The following GRHL1 variants were observed in gnomAD, a reference collection of about 807,000 sequenced individuals.
GRHL1 encodes the protein grainyhead like transcription factor 1.
In GRHL1, 38 loss-of-function variants were observed where a neutral mutation model predicts 75.7. That is an observed-to-expected ratio of 0.50 (90% CI 0.39 to 0.66). The LOEUF (loss-of-function observed/expected upper bound fraction) is 0.66, where lower values mean the gene tolerates loss of function less well. Among genes scored for constraint, GRHL1 ranks in the 30% least tolerant of loss-of-function variants. The pLI, the probability that GRHL1 is intolerant of heterozygous loss-of-function variation, is 0.00. For synonymous variants in GRHL1, 266 were observed against 279.4 expected (o/e 0.95, Z 0.48); for missense variants, 589 against 767.5 (o/e 0.77, Z 2.75).
chr2:9,998,454 A>T (rs575479574), intron 14 of GRHL1, among the ~76,000 whole-genome samples: 1,280 of 29,136 alleles, frequency 0.044, 24 homozygotes, highest in African/African-American at 0.12. Context: ...GTGTGTATAT[A>T]TATACATATA....
rs778133561 is a variant in GRHL1, at chr2:9,986,141, C to T, written c.1128C>T (p.Asn376=). 1.9e-6 allele frequency: 3 copies of T among 1,609,838 alleles called. No homozygotes were observed. The highest frequency in any genetic ancestry group is 4.5e-5 in the East Asian group (2 of 44,458). ...CTTGGCAGGTTTTCATCTCTGTGAA[C>T]TGCTTAAGCACAGATTTCTCTTCCC... is the stretch of plus-strand genomic sequence containing the variant. ...NDEAKVFISV[N]CLSTDFSSQK... is the part of the protein sequence containing the mutation. The change falls in exon 9 of 16, where the codon AAC becomes AAT. Residue 376 remains asparagine (N), a synonymous_variant. Transcript: ENST00000324907.
intron 8 of GRHL1, among the ~76,000 whole-genome samples, chr2:9,973,285 T>C (rs1667810291): frequency 6.6e-6 from 1 of 152,074 alleles, no homozygotes; most frequent in African/African-American, 2.4e-5. Context: ...TGCTTCTGAG[T>C]CTGTGACTCA....
chr2:9,983,943 T>C (rs1200046328), intron 8 of GRHL1, among the ~76,000 whole-genome samples: 1 of 151,440 alleles, frequency 6.6e-6, no homozygotes, highest in African/African-American at 2.4e-5. Context: ...GATCATGAGG[T>C]CAGGAGTTCG....
intron 8 of GRHL1, among the ~76,000 whole-genome samples, chr2:9,983,650 C>T (rs1387298417): frequency 6.6e-6 from 1 of 152,122 alleles, no homozygotes; most frequent in Non-Finnish European, 1.5e-5. Flanking sequence ...CTTTCCCAGG[C>T]AGCTGTTTTT....
chr2:9,955,191 C>T, intron 2 of GRHL1, 90 bp downstream of exon 2: 1 of 828,220 alleles, frequency 1.2e-6, no homozygotes, highest in Admixed American at 2.8e-5. Context: ...GGTAGAATGC[C>T]ATGCAAGTTG....
Position 10,000,908 on chromosome 2 carries a change from AAG to A in GRHL1, c.*205_*206del. The A allele has an allele frequency of 2.3e-6, 1 of 441,582 alleles. No homozygotes were observed. Among genetic ancestry groups the A allele is most frequent in the Non-Finnish European group, 4.0e-6 (1 of 249,714 alleles). 27.4% of individuals were successfully genotyped at this position (441,582 alleles called of 1,614,324 possible). On this transcript the variant is annotated 3_prime_UTR_variant, in exon 16 of 16. Coordinates refer to ENST00000324907, the MANE Select transcript of GRHL1 (RefSeq NM_198182.3). Reference sequence around the variant, plus strand: ...TATTGCATTGGTGTTTTTCAGATGAAAGAGAAATCCATATACCATTATGTTTG... The same window carrying A: ...TATTGCATTGGTGTTTTTCAGATGAAAGAAATCCATATACCATTATGTTTG...
chr2:9,978,309 C>G (rs2125227865), intron 8 of GRHL1, among the ~76,000 whole-genome samples: 1 of 152,294 alleles, frequency 6.6e-6, no homozygotes, highest in East Asian at 1.9e-4. Flanking sequence ...GAGGGATTCC[C>G]TTTGGGCAGA....
chr2:9,958,174 C>CTTTTTTTTT (rs61051898), intron 2 of GRHL1, among the ~76,000 whole-genome samples: 4 of 130,766 alleles, frequency 3.1e-5, no homozygotes, highest in African/African-American at 5.8e-5. Flanking sequence ...TTCTTTTTTT[C>CTTTTTTTTT]TTTTTTTTTT....
intron 8 of GRHL1, among the ~76,000 whole-genome samples, chr2:9,978,101 A>G (rs1035427132): frequency 1.3e-5 from 2 of 152,348 alleles, no homozygotes; most frequent in Admixed American, 1.3e-4. Context: ...TGATTCAGTT[A>G]TCTCCCACAG....
At chr2:9,989,087 G>C (rs1668537992) in intron 9 of GRHL1, among the ~76,000 whole-genome samples, 1 of 151,998 alleles carries the variant, frequency 6.6e-6, no homozygotes, top group African/African-American at 2.4e-5. Context: ...TGTCAGGGAG[G>C]GACTGTTGTG....
At position 9,992,490 on chromosome 2, in the gene GRHL1, C is replaced by A. The variant is rs1054137814; in HGVS notation, c.1461+344C>A. On this transcript the variant is annotated intron_variant, in intron 11 of 15. Transcript: ENST00000324907. This position sits in a 1 kb window ranked among gnomAD's most constrained non-coding sequence, Gnocchi z 4.6. ...TCATCTTTTTAAACTTAACTTGGGGCAATACCTAGGTTAAGGAGCTCTTAT... is the reference window on the plus strand; with the variant it reads ...TCATCTTTTTAAACTTAACTTGGGGAAATACCTAGGTTAAGGAGCTCTTAT... Among the ~76,000 whole-genome samples, 3 of 151,970 alleles carry A rather than the reference C, an allele frequency of 2.0e-5. No individual in the cohort carries two copies. The East Asian group carries it at 5.8e-4, about 29-fold the overall frequency.
chr2:9,995,779 A>G (rs1227012650), intron 12 of GRHL1, 100 bp from the exon 13 acceptor site: 2 of 714,526 alleles, frequency 2.8e-6, no homozygotes, highest in Non-Finnish European at 5.0e-6. Flanking sequence ...AAAGAATGAA[A>G]GTCATTTTAA....
chr2:9,994,308 C>CT (rs1553305824), intron 12 of GRHL1, among the ~76,000 whole-genome samples: 1 of 112,294 alleles, frequency 8.9e-6, no homozygotes, highest in Non-Finnish European at 1.8e-5. Flanking sequence ...CCACACCCAT[C>CT]TAATTATTAT....
rs76035557 is a variant in GRHL1 at position 9,970,718 on chromosome 2, G to A, written c.1110+5337G>A. ...AAAATCAGAGCGCCTTGTTCCCTGG[G>A]GGAAGAAAACCCTGTCAGAACAGAG... On this transcript the variant is annotated intron_variant, in intron 8 of 15. Coordinates refer to ENST00000324907, the MANE Select transcript of GRHL1 (RefSeq NM_198182.3). 9.3e-3 allele frequency among the ~76,000 whole-genome samples: 1,419 copies of A among 152,282 alleles called. 7 individuals carry two copies. The highest frequency in any genetic ancestry group is 0.027 in the Middle Eastern group (8 of 294).
At position 9,955,062 on chromosome 2, in the gene GRHL1, C is replaced by T. The variant is rs2125201402; in HGVS notation, c.168C>T (p.Asp56=). The stretch of plus-strand genomic sequence containing the variant: ...TGATGAGCATCAATGGAGATGAAGA[C>T]AGCGCCGCTGCGCTGGGCCTGCTCT... ...KAMMSINGDE[D]SAAALGLLYD... is the part of the protein sequence containing the mutation. The change falls in exon 2 of 16, where the codon GAC becomes GAT. Residue 56 remains aspartate, a synonymous_variant. Coordinates refer to ENST00000324907, the MANE Select transcript of GRHL1 (RefSeq NM_198182.3). The T allele has an allele frequency of 6.2e-7, 1 of 1,613,756 alleles. No homozygotes were observed. The highest frequency in any genetic ancestry group is 8.5e-7 in the Non-Finnish European group (1 of 1,179,682).
At chr2:9,983,493 A>G (rs1400547468) in intron 8 of GRHL1, among the ~76,000 whole-genome samples, 3 of 152,154 alleles carry the variant, frequency 2.0e-5, no homozygotes, top group South Asian at 2.1e-4. Flanking sequence ...GTTTGCCCCG[A>G]TCCTGGGATT....
intron 8 of GRHL1, among the ~76,000 whole-genome samples, chr2:9,979,142 A>ACT (rs1287602805): frequency 7.0e-6 from 1 of 143,110 alleles, no homozygotes. Flanking sequence ...CCTGGGCAAG[A>ACT]CTCTCTCTCA....
At chr2:9,972,872 T>G (rs992351163) in intron 8 of GRHL1, among the ~76,000 whole-genome samples, 2 of 151,216 alleles carry the variant, frequency 1.3e-5, no homozygotes, top group Non-Finnish European at 1.5e-5. Flanking sequence ...TCCAGAGTGG[T>G]TTTTTTTTCT....
At chr2:9,975,500 T>G (rs1449873291) in intron 8 of GRHL1, among the ~76,000 whole-genome samples, 1 of 152,184 alleles carries the variant, frequency 6.6e-6, no homozygotes, top group East Asian at 1.9e-4. Flanking sequence ...CAGCAAATAT[T>G]TACTGTTCAG....
Sources: allele counts gnomAD v4.1 joint callset (sites outside exome capture counted in the v4.1 genomes callset), GRCh38; gene constraint gnomAD v4.1.1; non-coding constraint Gnocchi (gnomAD v3.1); transcripts MANE v1.5; gene names NCBI Gene and HGNC (gene_info 2026-07-23, HGNC 2026-07-21).